The following FAM169A variants were observed in gnomAD, a reference collection of about 807,000 sequenced individuals.
FAM169A encodes the protein family with sequence similarity 169 member A.
Under a neutral mutation model 75.7 loss-of-function variants are expected in FAM169A, and 24 were observed. The observed-to-expected ratio is 0.32, with a 90% CI of 0.23 to 0.45. The LOEUF is 0.45. FAM169A is among the 20% of genes least tolerant of loss of function. The pLI is 1.00. For synonymous variants in FAM169A, 271 were observed against 271.0 expected (o/e 1.00, Z 0.00); for missense variants, 673 against 784.0 (o/e 0.86, Z 1.69).
intron 5 of FAM169A, among the ~76,000 whole-genome samples, chr5:74,831,189 T>C (rs1748290923): frequency 6.6e-6 from 1 of 152,034 alleles, no homozygotes; most frequent in Admixed American, 6.6e-5. Flanking sequence ...ATTCCCTTAT[T>C]TAAAGGAGAA....
chr5:74,798,075 A>C (rs1746371369), intron 10 of FAM169A, among the ~76,000 whole-genome samples: 1 of 152,188 alleles, frequency 6.6e-6, no homozygotes, highest in Non-Finnish European at 1.5e-5. Context: ...GTTTCTACTT[A>C]TCTTTGAAGC....
At position 74,781,425 on chromosome 5, in the gene FAM169A, AAAG is replaced by A. The variant is rs1561283142; in HGVS notation, c.*32_*34del. The A allele has an allele frequency of 6.4e-7, 1 of 1,574,146 alleles. No homozygotes were observed. Among genetic ancestry groups the A allele is most frequent in the African/African-American group, 1.4e-5 (1 of 73,476 alleles). On this transcript the variant is annotated 3_prime_UTR_variant, in exon 13 of 13. Coordinates refer to ENST00000687041, the MANE Select transcript of FAM169A (RefSeq NM_001376049.1). ...ATTTTAAAAACAACAACTATGTTACAAAGAAGAGGATTTATCATCCACTTTCTT... is the reference window on the plus strand; with the variant it reads ...ATTTTAAAAACAACAACTATGTTACAAAGAGGATTTATCATCCACTTTCTT...
intron 8 of FAM169A, among the ~76,000 whole-genome samples, chr5:74,804,258 AT>A (rs1746737618): frequency 6.6e-6 from 1 of 152,086 alleles, no homozygotes; most frequent in Admixed American, 6.5e-5. Flanking sequence ...TTTTATGTTT[AT>A]TCTAAATTAC....
chr5:74,834,004 T>G (rs534760858), intron 5 of FAM169A, among the ~76,000 whole-genome samples: 1 of 152,314 alleles, frequency 6.6e-6, no homozygotes, highest in South Asian at 2.1e-4. Context: ...CTTTCATATG[T>G]CAGGCTGAAT....
At chr5:74,785,503 T>C (rs1745651796) in intron 11 of FAM169A, among the ~76,000 whole-genome samples, 1 of 152,172 alleles carries the variant, frequency 6.6e-6, no homozygotes, top group African/African-American at 2.4e-5. Flanking sequence ...GGTTTATGCC[T>C]GTAATCCCAG....
intron 5 of FAM169A, among the ~76,000 whole-genome samples, chr5:74,827,671 T>C (rs1748105904): frequency 6.8e-6 from 1 of 146,704 alleles, no homozygotes; most frequent in Admixed American, 6.8e-5. Context: ...GAGCTTATCT[T>C]TTTTTTTTTT....
chr5:74,849,391 G>GT (rs1357390165), intron 1 of FAM169A, among the ~76,000 whole-genome samples: 1 of 151,902 alleles, frequency 6.6e-6, no homozygotes, highest in African/African-American at 2.4e-5. Context: ...TGTTCAGCTC[G>GT]TAAGTTATTT....
At chr5:74,852,435 C>G (rs1404590894) in intron 1 of FAM169A, among the ~76,000 whole-genome samples, 1 of 152,108 alleles carries the variant, frequency 6.6e-6, no homozygotes, top group South Asian at 2.1e-4. Context: ...GTACAAGAGA[C>G]AGTAGTCTTA....
At chr5:74,818,034 A>T (rs1747559950) in intron 5 of FAM169A, among the ~76,000 whole-genome samples, 1 of 152,204 alleles carries the variant, frequency 6.6e-6, no homozygotes, top group African/African-American at 2.4e-5. Context: ...TAAACATAAG[A>T]TCTAAAACTA....
At chr5:74,799,132 G>C (rs1291302587) in intron 10 of FAM169A, 1 of 1,009,048 alleles carries the variant, frequency 9.9e-7, no homozygotes, top group East Asian at 2.4e-5. Context: ...GAAAGCTCAC[G>C]AACTCAAGGA....
chr5:74,830,187 A>C (rs1419904739), intron 5 of FAM169A, among the ~76,000 whole-genome samples: 1 of 152,190 alleles, frequency 6.6e-6, no homozygotes, highest in African/African-American at 2.4e-5. Flanking sequence ...ACATAAAAAG[A>C]GAGGAAAGAG....
At chr5:74,842,600 T>C (rs1748941688) in intron 1 of FAM169A, among the ~76,000 whole-genome samples, 1 of 151,230 alleles carries the variant, frequency 6.6e-6, no homozygotes, top group South Asian at 2.1e-4. Flanking sequence ...GGTGCAATCA[T>C]TGTTCTATGT....
intron 1 of FAM169A, among the ~76,000 whole-genome samples, chr5:74,849,105 G>A (rs559735838): frequency 1.1e-4 from 17 of 152,258 alleles, no homozygotes; most frequent in South Asian, 6.2e-4. Context: ...CAAATTAAGC[G>A]AATGGTATGC....
At chr5:74,800,062 T>C (rs1746485129) in intron 10 of FAM169A, 2 of 715,462 alleles carry the variant, frequency 2.8e-6, no homozygotes, top group African/African-American at 3.5e-5. Context: ...CAATTTGGGA[T>C]TTCAAGGATA....
At chr5:74,815,966 G>A (rs1747448956) in intron 5 of FAM169A, among the ~76,000 whole-genome samples, 1 of 152,186 alleles carries the variant, frequency 6.6e-6, no homozygotes, top group African/African-American at 2.4e-5. Context: ...CAGTCCTTGA[G>A]GCTGCTCTGT....
chr5:74,804,631 T>A (rs1746769008), intron 7 of FAM169A, 26 bp from the exon 8 acceptor site: 1 of 1,292,984 alleles, frequency 7.7e-7, no homozygotes, highest in Non-Finnish European at 1.1e-6. Flanking sequence ...TTTTAAAAAC[T>A]GTAACCGAAT....
chr5:74,783,053 T>C lies in FAM169A; in HGVS notation c.1342A>G (p.Thr448Ala), dbSNP rs1198336312. 3 of 1,613,716 alleles carry C rather than the reference T, an allele frequency of 1.9e-6. No individual in the cohort carries two copies. The highest frequency in any genetic ancestry group is 1.7e-5 in the Admixed American group (1 of 60,036). Residue 448 changes from threonine (T) to alanine (A), a missense_variant, in exon 12 of 13, where the codon ACT becomes GCT. Around this residue, in one of 3 missense-constraint regions of FAM169A, gnomAD observed 510 missense variants for 550.9 expected, o/e 0.93. Coordinates refer to ENST00000687041, the MANE Select transcript of FAM169A (RefSeq NM_001376049.1). Reference sequence around the variant, plus strand: ...AATTCTTCATCTAAAACTTCACTAGTGGAGTCTTCCTCTTCTGTTATAAGT... The same window carrying C: ...AATTCTTCATCTAAAACTTCACTAGCGGAGTCTTCCTCTTCTGTTATAAGT... ...TSLITEEEDS[T>A]SEVLDEELKL...
intron 10 of FAM169A, chr5:74,799,396 A>G: frequency 6.2e-7 from 1 of 1,613,228 alleles, no homozygotes; most frequent in Non-Finnish European, 8.5e-7. Flanking sequence ...GTGGGTGAGC[A>G]AGCACATTAA....
chr5:74,782,089 C>T, intron 12 of FAM169A, 81 bp from the exon 13 acceptor site: 1 of 1,064,552 alleles, frequency 9.4e-7, no homozygotes. Flanking sequence ...TATGCAGTGA[C>T]ACTGAACTAG....
Sources: gnomAD v4.1 joint callset for allele counts (sites outside exome capture counted in the v4.1 genomes callset) on GRCh38, gnomAD v4.1.1 for gene constraint, gnomAD v4.1.1 regional missense constraint, MANE v1.5 for transcripts, NCBI Gene and HGNC (gene_info 2026-07-23, HGNC 2026-07-21) for gene names.